The following LEF1 variants were observed in gnomAD, a reference collection of about 807,000 sequenced individuals.
LEF1 encodes the protein lymphoid enhancer binding factor 1.
LEF1 carries 14 observed loss-of-function variants against 51.2 expected under a neutral mutation model. That is an observed-to-expected ratio of 0.27 (90% CI 0.18 to 0.43). LEF1 has a LOEUF of 0.43. Ranked by LOEUF, LEF1 falls within the 20% of genes least tolerant of loss-of-function variation. LEF1 has a pLI of 1.00. For missense variants in LEF1, 386 were observed against 512.0 expected (o/e 0.75, Z 2.37); for synonymous variants, 185 against 183.2 (o/e 1.01, Z -0.08).
At chr4:108,142,075 G>A (rs1221237520) in intron 3 of LEF1, among the ~76,000 whole-genome samples, 1 of 152,030 alleles carries the variant, frequency 6.6e-6, no homozygotes, top group African/African-American at 2.4e-5. Flanking sequence ...AAGCCTAAAG[G>A]GTAAAATAAA....
intron 3 of LEF1, among the ~76,000 whole-genome samples, chr4:108,149,761 T>C (rs1744253279): frequency 6.6e-6 from 1 of 151,556 alleles, no homozygotes; most frequent in African/African-American, 2.4e-5. Flanking sequence ...CAAAAGATTA[T>C]AATAGAATAA....
At chr4:108,077,011 A>G (rs1738905162) in intron 8 of LEF1, among the ~76,000 whole-genome samples, 1 of 131,006 alleles carries the variant, frequency 7.6e-6, no homozygotes, top group Non-Finnish European at 1.6e-5. Context: ...TGGGTGACAG[A>G]GCAAGACTCA....
intron 3 of LEF1, among the ~76,000 whole-genome samples, chr4:108,153,235 A>G (rs1370725900): frequency 1.3e-5 from 2 of 152,164 alleles, no homozygotes; most frequent in African/African-American, 4.8e-5. Flanking sequence ...TTGCCCAAAC[A>G]TGGGTTTGGT....
In LEF1 at chr4:108,048,419, G is replaced by A. The variant is rs972563527; in HGVS notation, c.*339C>T. The A allele has an allele frequency of 3.3e-5, 10 of 307,552 alleles. No individual in the cohort carries two copies. The highest frequency in any genetic ancestry group is 9.9e-5 in the Admixed American group (2 of 20,232). 19.1% of individuals were successfully genotyped at this position (307,552 alleles called of 1,614,324 possible). A position where few individuals can be genotyped will look rare whatever the true frequency, so the allele number is the denominator to read the frequency against. On this transcript the variant is annotated 3_prime_UTR_variant, in exon 12 of 12. Coordinates refer to ENST00000265165, the MANE Select transcript of LEF1 (RefSeq NM_016269.5). Reference sequence around the variant, plus strand: ...GTTTGGATGCAAGATGCTCTGGGAAGTGCACGCAGATATGAGGGGAGAAAA... The same window carrying A: ...GTTTGGATGCAAGATGCTCTGGGAAATGCACGCAGATATGAGGGGAGAAAA...
At chr4:108,111,659 C>T (rs1451716904) in intron 3 of LEF1, among the ~76,000 whole-genome samples, 1 of 152,190 alleles carries the variant, frequency 6.6e-6, no homozygotes, top group African/African-American at 2.4e-5. Context: ...CGCCTGTAAT[C>T]CTAGCACTTT....
At position 108,167,411 on chromosome 4, in the gene LEF1, C is replaced by A; in HGVS notation, c.213+144G>T. On this transcript the variant is annotated intron_variant, in intron 1 of 11. Coordinates refer to ENST00000265165, the MANE Select transcript of LEF1 (RefSeq NM_016269.5). This position sits in a 1 kb window ranked among gnomAD's most constrained non-coding sequence, Gnocchi z 5.7. ...ACACACACACTGCGGACCGGGGGCCCAGCTACGCACACACCCCAAAACAAA... is the reference window on the plus strand; with the variant it reads ...ACACACACACTGCGGACCGGGGGCCAAGCTACGCACACACCCCAAAACAAA... 6 of 692,198 alleles carry A rather than the reference C, an allele frequency of 8.7e-6. No individual in the cohort carries two copies. The highest frequency in any genetic ancestry group is 1.2e-5 in the Non-Finnish European group (5 of 406,930). The allele number at this position is 692,198 out of a possible 1,614,324, so 42.9% of individuals were successfully genotyped here. A position where few individuals can be genotyped will look rare whatever the true frequency, so the allele number is the denominator to read the frequency against.
rs772569275 is a variant in LEF1, at chr4:108,078,445, A to T, written c.846-63T>A. 21 of 1,606,908 alleles carry T rather than the reference A, an allele frequency of 1.3e-5. No homozygotes were observed. The African/African-American group carries it at 2.5e-4, about 19-fold the overall frequency. On this transcript the variant is annotated intron_variant, in intron 7 of 11. Transcript: ENST00000265165. ...TGAAGGAATGAGGAAGGGATGGGGGAGGAGAAAAGCAGAGCACCTGCTCAC... is the reference window on the plus strand; with the variant it reads ...TGAAGGAATGAGGAAGGGATGGGGGTGGAGAAAAGCAGAGCACCTGCTCAC...
intron 8 of LEF1, among the ~76,000 whole-genome samples, chr4:108,076,140 A>T (rs1452335709): frequency 6.6e-6 from 1 of 152,094 alleles, no homozygotes; most frequent in African/African-American, 2.4e-5. Flanking sequence ...TCTCAGCTTA[A>T]ATACAGTTTC....
At chr4:108,164,729 G>A (rs1745273481) in intron 2 of LEF1, among the ~76,000 whole-genome samples, 1 of 151,834 alleles carries the variant, frequency 6.6e-6, no homozygotes, top group Non-Finnish European at 1.5e-5. Flanking sequence ...TATTCTGGTT[G>A]GAAAATAAAT....
At chr4:108,050,557 G>T (rs1013556311) in intron 11 of LEF1, among the ~76,000 whole-genome samples, 1 of 152,218 alleles carries the variant, frequency 6.6e-6, no homozygotes, top group Admixed American at 6.5e-5. Flanking sequence ...AGAGCCTGGG[G>T]TGGGAGAGAG....
rs920851175 is a variant in LEF1, at chr4:108,083,895, A to G, written c.548-449T>C. ...CATATTTTCATTGGTTCCCTTATGG[A>G]CATATAGATTTGGGAAATGTGACAC... On this transcript the variant is annotated intron_variant, in intron 4 of 11. Transcript: ENST00000265165. Among the ~76,000 whole-genome samples, 3 of 152,194 alleles carry G rather than the reference A, an allele frequency of 2.0e-5. No individual in the cohort carries two copies. The South Asian group carries it at 6.2e-4, about 31-fold the overall frequency.
At chr4:108,110,195 A>G (rs1236387205) in intron 3 of LEF1, among the ~76,000 whole-genome samples, 1 of 152,230 alleles carries the variant, frequency 6.6e-6, no homozygotes, top group Admixed American at 6.5e-5. Flanking sequence ...CTTAACTGTT[A>G]AATGTTTCTG....
At chr4:108,128,271 G>GACC (rs1742669727) in intron 3 of LEF1, among the ~76,000 whole-genome samples, 2 of 152,054 alleles carry the variant, frequency 1.3e-5, no homozygotes, top group African/African-American at 4.8e-5. Context: ...ATCAAGTCAG[G>GACC]ACCTTCACAA....
At chr4:108,161,144 TA>T (rs111716333) in intron 3 of LEF1, among the ~76,000 whole-genome samples, 14 of 152,254 alleles carry the variant, frequency 9.2e-5, no homozygotes, top group African/African-American at 1.7e-4. Flanking sequence ...GAAGTGTGGT[TA>T]GGGGTGAAGA....
intron 11 of LEF1, among the ~76,000 whole-genome samples, chr4:108,055,019 C>T (rs994299203): frequency 1.3e-5 from 2 of 152,192 alleles, no homozygotes; most frequent in African/African-American, 2.4e-5. Context: ...AGGAAAAACA[C>T]GTTAAAACTA....
intron 3 of LEF1, among the ~76,000 whole-genome samples, chr4:108,134,497 C>CTACA (rs1283336180): frequency 6.6e-6 from 1 of 152,188 alleles, no homozygotes; most frequent in African/African-American, 2.4e-5. Context: ...GAGGAGCAGG[C>CTACA]TACAGCACTG....
intron 1 of LEF1, chr4:108,166,756 C>T (rs937005707): frequency 2.3e-5 from 23 of 987,976 alleles, no homozygotes; most frequent in Admixed American, 6.0e-5. Context: ...CTTTCTTCTG[C>T]GTAGATTTAA....
chr4:108,161,708 T>C (rs1745062805), intron 3 of LEF1, among the ~76,000 whole-genome samples: 2 of 152,196 alleles, frequency 1.3e-5, no homozygotes, highest in African/African-American at 4.8e-5. Flanking sequence ...TAAATTTTCA[T>C]TATATTGATT....
chr4:108,143,348 C>T (rs777671549), intron 3 of LEF1, among the ~76,000 whole-genome samples: 3 of 152,184 alleles, frequency 2.0e-5, no homozygotes, highest in Non-Finnish European at 4.4e-5. Context: ...AATAACATCT[C>T]AAAATCTGTA....
Sources: allele counts gnomAD v4.1 joint callset (sites outside exome capture counted in the v4.1 genomes callset), GRCh38; gene constraint gnomAD v4.1.1; non-coding constraint Gnocchi (gnomAD v3.1); transcripts MANE v1.5; gene names NCBI Gene and HGNC (gene_info 2026-07-23, HGNC 2026-07-21).